The following GALNT1 variants were observed in gnomAD, a reference collection of about 807,000 sequenced individuals.
The protein encoded by GALNT1 is polypeptide N-acetylgalactosaminyltransferase 1.
GALNT1 carries 17 observed loss-of-function variants against 65.7 expected under a neutral mutation model. That is an observed-to-expected ratio of 0.26 (90% confidence interval 0.18 to 0.39). The LOEUF is 0.39. GALNT1 is among the 10% of genes least tolerant of loss of function. The pLI, the probability that GALNT1 is intolerant of heterozygous loss-of-function variation, is 1.00. For synonymous variants in GALNT1, 210 were observed against 219.7 expected, an observed-to-expected ratio of 0.96 and a Z score of 0.39; for missense variants, 460 against 672.8, an observed-to-expected ratio of 0.68 and a Z score of 3.50.
chr18:35,709,771 G>T lies in GALNT1; in HGVS notation c.*1G>T. ...CGTCACCCTGCCAGAAATATTCTGA[G>T]ACCAAATTTACAAAAAAACGAAAAA... On this transcript the variant is annotated 3_prime_UTR_variant, in exon 12 of 12. Coordinates refer to ENST00000269195, the MANE Select transcript of GALNT1 (RefSeq NM_020474.4). 6.2e-7 allele frequency: 1 copy of T among 1,613,720 alleles called. No homozygotes were observed. The highest frequency in any genetic ancestry group is 8.5e-7 in the Non-Finnish European group (1 of 1,179,876).
chr18:35,640,255 G>A (rs1458248720), intron 1 of GALNT1, among the ~76,000 whole-genome samples: 1 of 152,086 alleles, frequency 6.6e-6, no homozygotes, highest in Non-Finnish European at 1.5e-5. Context: ...TTTTCAATAT[G>A]TTATTAATAC....
At chr18:35,684,616 T>A (rs1358317529) in intron 5 of GALNT1, among the ~76,000 whole-genome samples, 3 of 152,138 alleles carry the variant, frequency 2.0e-5, no homozygotes, top group African/African-American at 7.2e-5. Flanking sequence ...TGACTTCCAG[T>A]TTGGGCTGCA....
chr18:35,700,435 C>T (rs1313811893), intron 9 of GALNT1, among the ~76,000 whole-genome samples: 2 of 152,126 alleles, frequency 1.3e-5, no homozygotes, highest in African/African-American at 4.8e-5. Context: ...CCATGCCACC[C>T]ACCTCACCTG....
chr18:35,641,473 A>G (rs1358997035), intron 1 of GALNT1, among the ~76,000 whole-genome samples: 1 of 152,162 alleles, frequency 6.6e-6, no homozygotes, highest in Non-Finnish European at 1.5e-5. Flanking sequence ...ACTGCAGTAC[A>G]TTTAACTCAC....
At chr18:35,681,985 C>CTAGCATTACATATGT (rs1398287443) in intron 4 of GALNT1, among the ~76,000 whole-genome samples, 8 of 152,192 alleles carry the variant, frequency 5.3e-5, no homozygotes, top group Admixed American at 2.6e-4. Flanking sequence ...TATAATGAGA[C>CTAGCATTACATATGT]TAGCATTACA....
At chr18:35,587,107 ATATTTTAG>A (rs1318108016) in intron 1 of GALNT1, among the ~76,000 whole-genome samples, 2 of 151,940 alleles carry the variant, frequency 1.3e-5, no homozygotes, top group African/African-American at 4.8e-5. Context: ...ATTTCTTTTT[ATATTTTAG>A]TAATTGTAAC....
chr18:35,686,922 TA>T (rs139585121), intron 5 of GALNT1, 93 bp from the exon 6 acceptor site: 1 of 1,251,554 alleles, frequency 8.0e-7, no homozygotes, highest in Non-Finnish European at 1.1e-6. Context: ...AGGGAAAAAA[TA>T]AAAAATAAAA....
intron 9 of GALNT1, among the ~76,000 whole-genome samples, chr18:35,701,552 G>T (rs944673519): frequency 6.6e-6 from 1 of 152,148 alleles, no homozygotes; most frequent in African/African-American, 2.4e-5. Context: ...AAAAAATGAT[G>T]ATGTAAATTA....
intron 1 of GALNT1, among the ~76,000 whole-genome samples, chr18:35,629,826 G>C (rs1433160508): frequency 4.6e-5 from 7 of 152,260 alleles, no homozygotes; most frequent in Middle Eastern, 3.4e-3. Context: ...CTCGTGCAGA[G>C]ACACACATGG....
chr18:35,629,665 G>A (rs1362816503), intron 1 of GALNT1, among the ~76,000 whole-genome samples: 2 of 152,128 alleles, frequency 1.3e-5, no homozygotes, highest in African/African-American at 4.8e-5. Flanking sequence ...CAACTAACTA[G>A]CAAAATAGCC....
chr18:35,658,355 AGGGAAG>A (rs545359865), intron 2 of GALNT1, among the ~76,000 whole-genome samples: 44 of 152,278 alleles, frequency 2.9e-4, no homozygotes, highest in African/African-American at 1.0e-3. Flanking sequence ...TCCAAGCGTG[AGGGAAG>A]GGCTGAGCCG....
intron 1 of GALNT1, among the ~76,000 whole-genome samples, chr18:35,582,896 T>A (rs72958828): frequency 0.045 from 6,902 of 152,278 alleles, 212 homozygotes; most frequent in South Asian, 0.071. Context: ...ACTAACCACA[T>A]GTGACTATTA....
chr18:35,605,314 A>G (rs1303118190), intron 1 of GALNT1, among the ~76,000 whole-genome samples: 1 of 152,070 alleles, frequency 6.6e-6, no homozygotes, highest in African/African-American at 2.4e-5. Context: ...CCTGGCCAAC[A>G]TGGTGAAACC....
chr18:35,588,613 G>C (rs1022792385), intron 1 of GALNT1, among the ~76,000 whole-genome samples: 1 of 152,078 alleles, frequency 6.6e-6, no homozygotes, highest in Non-Finnish European at 1.5e-5. Context: ...TTGAGGCTTT[G>C]TCAATTTTTC....
rs866366190 is a variant in GALNT1 at position 35,581,786 on chromosome 18, T to G, written c.-180T>G. On this transcript the variant is annotated 5_prime_UTR_variant, in exon 1 of 12. Transcript: ENST00000269195. ...GGACGGCGGCCCGAGAGTAGCGCGCTGGCCGCGGGACCGGCCGCGACCGCC... is the reference window on the plus strand; with the variant it reads ...GGACGGCGGCCCGAGAGTAGCGCGCGGGCCGCGGGACCGGCCGCGACCGCC... 1 of 704 alleles carries G rather than the reference T, an allele frequency of 1.4e-3. No individual in the cohort carries two copies. The highest frequency in any genetic ancestry group is 0.016 in the Admixed American group (1 of 62). 0.0% of individuals were successfully genotyped at this position (704 alleles called of 1,614,324 possible).
upstream of GALNT1, chr18:35,581,649 GC>G (rs1459637772): frequency 0.15 from 9 of 60 alleles, no homozygotes; most frequent in East Asian, 0.5. Flanking sequence ...GCCCGGAGTA[GC>G]CGCCGACCCG....
At chr18:35,616,897 C>T (rs1409051112) in intron 1 of GALNT1, among the ~76,000 whole-genome samples, 1 of 152,084 alleles carries the variant, frequency 6.6e-6, no homozygotes, top group East Asian at 1.9e-4. Context: ...AGATAAAACC[C>T]ACTTGAAAGG....
chr18:35,635,838 T>C (rs1324178146), intron 1 of GALNT1, among the ~76,000 whole-genome samples: 1 of 152,146 alleles, frequency 6.6e-6, no homozygotes. Context: ...ATATGTGTTA[T>C]GTTAAAGAGT....
chr18:35,694,248 A>G (rs373738844), intron 9 of GALNT1, among the ~76,000 whole-genome samples: 21 of 152,220 alleles, frequency 1.4e-4, no homozygotes, highest in African/African-American at 4.8e-4. Flanking sequence ...CTTGTAAAAG[A>G]GAGAAGATAA....
Sources: gnomAD v4.1 joint callset for allele counts (sites outside exome capture counted in the v4.1 genomes callset) on GRCh38, gnomAD v4.1.1 for gene constraint, MANE v1.5 for transcripts, NCBI Gene and HGNC (gene_info 2026-07-23, HGNC 2026-07-21) for gene names.